The following RBFOX1 variants were observed in gnomAD, a reference collection of about 807,000 sequenced individuals.
The protein encoded by RBFOX1 is RNA binding fox-1 homolog 1, also known as RNA binding protein fox-1 homolog 1.
Under a neutral mutation model 57.7 loss-of-function variants are expected in RBFOX1, and 8 were observed. The observed-to-expected ratio is 0.14, with a 90% CI of 0.08 to 0.25. The LOEUF (loss-of-function observed/expected upper bound fraction) is 0.25, where lower values mean the gene tolerates loss of function less well. Ranked by LOEUF, RBFOX1 falls within the 10% of genes least tolerant of loss-of-function variation. The pLI is 1.00. For synonymous variants in RBFOX1, 326 were observed against 222.4 expected (o/e 1.47, Z -4.15); for missense variants, 611 against 548.5 (o/e 1.11, Z -1.14).
In RBFOX1 at chr16:6,451,582, C is replaced by G. The variant is rs115333454; in HGVS notation, c.-64+134525C>G. 1.5e-3 allele frequency among the ~76,000 whole-genome samples: 226 copies of G among 152,260 alleles called. 1 individual carries two copies. Among genetic ancestry groups the G allele is most frequent in the African/African-American group, 5.2e-3 (216 of 41,556 alleles). On this transcript the variant is annotated intron_variant, in intron 2 of 15. Transcript: ENST00000550418. ...TGTTTTGTAGGTATTACCACCTTCA[C>G]CTGGAAATAATTCACCACTCTCTAA...
At chr16:6,189,978 T>C (rs1159867911) in intron 1 of RBFOX1, among the ~76,000 whole-genome samples, 4 of 152,184 alleles carry the variant, frequency 2.6e-5, no homozygotes, top group Non-Finnish European at 5.9e-5. Flanking sequence ...TTTCTTGTAG[T>C]AGTTTCATAG....
intron 3 of RBFOX1, among the ~76,000 whole-genome samples, chr16:5,658,995 C>G (rs556736499): frequency 1.3e-5 from 2 of 151,826 alleles, no homozygotes; most frequent in Non-Finnish European, 2.9e-5. Flanking sequence ...GAGCAATTAT[C>G]TTTTTTGCAT....
intron 1 of RBFOX1, among the ~76,000 whole-genome samples, chr16:6,065,676 G>A (rs1313875564): frequency 6.6e-6 from 1 of 152,130 alleles, no homozygotes; most frequent in Non-Finnish European, 1.5e-5. Flanking sequence ...ATATAATGTG[G>A]TTAGAAGACC....
chr16:6,053,011 A>G (rs1199719928), intron 1 of RBFOX1, among the ~76,000 whole-genome samples: 1 of 152,052 alleles, frequency 6.6e-6, no homozygotes, highest in Non-Finnish European at 1.5e-5. Flanking sequence ...CTCTATTAAT[A>G]TCACCACATC....
intron 2 of RBFOX1, among the ~76,000 whole-genome samples, chr16:6,335,257 A>G (rs1007594907): frequency 6.6e-6 from 1 of 152,138 alleles, no homozygotes. Context: ...AGTGAGTAGG[A>G]TGGCTTTGAA....
intron 4 of RBFOX1, among the ~76,000 whole-genome samples, chr16:7,486,028 A>C (rs2065268962): frequency 6.6e-6 from 1 of 152,108 alleles, no homozygotes; most frequent in African/African-American, 2.4e-5. Flanking sequence ...TCTTTACAGG[A>C]AAACACAATT....
intron 2 of RBFOX1, among the ~76,000 whole-genome samples, chr16:6,550,726 C>T (rs185011084): frequency 6.6e-6 from 1 of 152,338 alleles, no homozygotes; most frequent in South Asian, 2.1e-4. Flanking sequence ...TGTTATACTT[C>T]ATAAAATACT....
chr16:7,665,831 C>G (rs1226379436), intron 13 of RBFOX1, among the ~76,000 whole-genome samples: 1 of 152,080 alleles, frequency 6.6e-6, no homozygotes, highest in Non-Finnish European at 1.5e-5. Flanking sequence ...AATCATATTT[C>G]TGATGAAATT....
At chr16:6,188,867 A>G (rs2097124293) in intron 1 of RBFOX1, among the ~76,000 whole-genome samples, 1 of 151,338 alleles carries the variant, frequency 6.6e-6, no homozygotes, top group Admixed American at 6.6e-5. Context: ...TGCCAAAAGT[A>G]GTAGTGGACT....
At chr16:6,659,289 G>C (rs2098686217) in intron 3 of RBFOX1, among the ~76,000 whole-genome samples, 1 of 151,974 alleles carries the variant, frequency 6.6e-6, no homozygotes, top group Non-Finnish European at 1.5e-5. Context: ...GCCTGGCCTG[G>C]TGCAGCTAAA....
In RBFOX1 at chr16:5,889,990, C is replaced by T. The variant is rs528440546; in HGVS notation, c.351+22655C>T. ...GTGTGAGATGTAGCTCCAGCTTCTC[C>T]TCTTCATCTTTTGACATGCAGCAAA... On this transcript the variant is annotated intron_variant, in intron 4 of 19. Transcript: ENST00000641259. Among the ~76,000 whole-genome samples, 5 of 152,302 alleles carry T rather than the reference C, an allele frequency of 3.3e-5. No homozygotes were observed. In the South Asian group the frequency reaches 1.0e-3, roughly 32 times the overall value.
At chr16:6,938,011 T>G (rs1239854632) in intron 3 of RBFOX1, among the ~76,000 whole-genome samples, 1 of 150,834 alleles carries the variant, frequency 6.6e-6, no homozygotes, top group Admixed American at 6.6e-5. Flanking sequence ...CAATTTTATT[T>G]TTGGTTTACG....
At chr16:5,445,123 T>C (rs1468487372) in intron 1 of RBFOX1, among the ~76,000 whole-genome samples, 1 of 152,176 alleles carries the variant, frequency 6.6e-6, no homozygotes, top group African/African-American at 2.4e-5. Flanking sequence ...GGGATCTGGA[T>C]GGATTCCAGG....
At chr16:6,605,644 C>G (rs967126076) in intron 2 of RBFOX1, among the ~76,000 whole-genome samples, 3 of 152,178 alleles carry the variant, frequency 2.0e-5, no homozygotes, top group African/African-American at 7.2e-5. Context: ...AATACTCGTT[C>G]ATTGTTCCAG....
chr16:5,763,134 C>A (rs531730123), intron 3 of RBFOX1, among the ~76,000 whole-genome samples: 1 of 152,300 alleles, frequency 6.6e-6, no homozygotes, highest in African/African-American at 2.4e-5. Flanking sequence ...ATGCGCCCAA[C>A]ACAAGAATGT....
At chr16:6,464,845 G>C (rs1259316303) in intron 2 of RBFOX1, among the ~76,000 whole-genome samples, 2 of 152,212 alleles carry the variant, frequency 1.3e-5, no homozygotes, top group East Asian at 3.9e-4. Context: ...ACTGATAGCA[G>C]TGCGTTAAAA....
chr16:5,753,428 T>G (rs1234217689), intron 3 of RBFOX1, among the ~76,000 whole-genome samples: 2 of 152,140 alleles, frequency 1.3e-5, no homozygotes, highest in Non-Finnish European at 2.9e-5. Flanking sequence ...TTTGGCTGCG[T>G]TTTTCACTTG....
At chr16:7,088,916 G>A (rs1484861357) in intron 4 of RBFOX1, among the ~76,000 whole-genome samples, 1 of 152,054 alleles carries the variant, frequency 6.6e-6, no homozygotes, top group African/African-American at 2.4e-5. Flanking sequence ...CTCTTTATCC[G>A]CTTCCCTCCA....
intron 1 of RBFOX1, among the ~76,000 whole-genome samples, chr16:6,100,550 A>G (rs759301129): frequency 1.1e-4 from 16 of 152,180 alleles, no homozygotes; most frequent in Admixed American, 2.6e-4. Context: ...ATAGACTTTG[A>G]TTGAAGGTGC....
Sources: gnomAD v4.1 joint callset for allele counts (sites outside exome capture counted in the v4.1 genomes callset) on GRCh38, gnomAD v4.1.1 for gene constraint, MANE v1.5 for transcripts, NCBI Gene and HGNC (gene_info 2026-07-23, HGNC 2026-07-21) for gene names.